The following MAP3K5 variants were observed in gnomAD, a reference collection of about 807,000 sequenced individuals.
MAP3K5 encodes mitogen-activated protein kinase kinase kinase 5, also known as ASK-1.
Under a neutral mutation model 158.7 loss-of-function variants are expected in MAP3K5, and 56 were observed. The ratio of observed to expected loss-of-function variants is 0.35; its 90% confidence interval spans 0.28 to 0.44. The LOEUF (loss-of-function observed/expected upper bound fraction) is 0.44. Among genes scored for constraint, MAP3K5 ranks in the 20% least tolerant of loss-of-function variants. The pLI, the probability that MAP3K5 is intolerant of heterozygous loss-of-function variation, is 1.00. For missense variants in MAP3K5, 1,294 were observed against 1,674.8 expected, an observed-to-expected ratio of 0.77 and a Z score of 3.97; for synonymous variants, 579 against 601.7, an observed-to-expected ratio of 0.96 and a Z score of 0.55.
At chr6:136,660,628 TA>T (rs1017262846) in intron 8 of MAP3K5, among the ~76,000 whole-genome samples, 1 of 152,200 alleles carries the variant, frequency 6.6e-6, no homozygotes, top group African/African-American at 2.4e-5. Context: ...TTTGTTTGCT[TA>T]AAAAAATATA....
At chr6:136,615,250 G>T (rs948478702) in intron 15 of MAP3K5, among the ~76,000 whole-genome samples, 1 of 152,174 alleles carries the variant, frequency 6.6e-6, no homozygotes, top group Non-Finnish European at 1.5e-5. Flanking sequence ...GAGGTCCGCT[G>T]GGCATGGCAA....
intron 18 of MAP3K5, among the ~76,000 whole-genome samples, chr6:136,606,578 T>C (rs1776111238): frequency 6.6e-6 from 1 of 152,170 alleles, no homozygotes; most frequent in Non-Finnish European, 1.5e-5. Context: ...CATAAAGTGG[T>C]TTCCTAAAGT....
chr6:136,786,221 C>CA (rs1562706365), intron 1 of MAP3K5, among the ~76,000 whole-genome samples: 1 of 151,610 alleles, frequency 6.6e-6, no homozygotes, highest in Admixed American at 6.6e-5. Flanking sequence ...ACTAATAATA[C>CA]AAAAAAATTA....
In MAP3K5 at chr6:136,580,044, C is replaced by A. The variant is rs1009890843; in HGVS notation, c.3517+257G>T. 2.6e-5 allele frequency among the ~76,000 whole-genome samples: 4 copies of A among 152,162 alleles called. No individual in the cohort carries two copies. The East Asian group carries it at 7.7e-4, about 29-fold the overall frequency. On this transcript the variant is annotated intron_variant, in intron 25 of 29. Coordinates refer to ENST00000359015, the MANE Select transcript of MAP3K5 (RefSeq NM_005923.4). Reference sequence around the variant, plus strand: ...TTGAAATGCGTATTTATCTGAGTCACCTGTATACTTTTTCTCTTCACATCT... The same window carrying A: ...TTGAAATGCGTATTTATCTGAGTCAACTGTATACTTTTTCTCTTCACATCT...
intron 19 of MAP3K5, among the ~76,000 whole-genome samples, chr6:136,603,067 A>G: frequency 6.6e-6 from 1 of 152,174 alleles, no homozygotes; most frequent in East Asian, 1.9e-4. Context: ...TAAACAATAT[A>G]TAATTATTTG....
rs202097874 is a variant in MAP3K5 at position 136,562,562 on chromosome 6, C to T, written c.3815G>A (p.Arg1272Gln). 14 of 1,604,116 alleles carry T rather than the reference C, an allele frequency of 8.7e-6. No homozygotes were observed. In the East Asian group the frequency reaches 1.1e-4, roughly 13 times the overall value. The change falls in exon 27 of 30, where the codon CGA becomes CAA. Residue 1272 changes from arginine (R) to glutamine (Q), a missense_variant. Arg to Gln is a conservative substitution (Grantham distance 43, BLOSUM62 1). Coordinates refer to ENST00000359015, the MANE Select transcript of MAP3K5 (RefSeq NM_005923.4). ...KEKELQALLH[R>Q]AIEEKDQEIK... ...TTCTTGGTCTTTTTCTTCAATAGCTCGATGAAGGAGTGCTTGTAATTCTTT... is the reference window on the plus strand; with the variant it reads ...TTCTTGGTCTTTTTCTTCAATAGCTTGATGAAGGAGTGCTTGTAATTCTTT...
chr6:136,588,818 T>C (rs1393000320), intron 23 of MAP3K5, among the ~76,000 whole-genome samples: 1 of 152,198 alleles, frequency 6.6e-6, no homozygotes, highest in Non-Finnish European at 1.5e-5. Context: ...CCACGAAGCA[T>C]GCATGACACT....
intron 1 of MAP3K5, among the ~76,000 whole-genome samples, chr6:136,745,155 T>G (rs955131331): frequency 2.0e-5 from 3 of 151,340 alleles, no homozygotes; most frequent in Non-Finnish European, 4.4e-5. Flanking sequence ...TTTTTTTTTT[T>G]TTTTTTTTTT....
intron 1 of MAP3K5, among the ~76,000 whole-genome samples, chr6:136,731,247 G>A (rs1037754686): frequency 4.7e-4 from 72 of 152,120 alleles, no homozygotes; most frequent in African/African-American, 1.6e-3. Flanking sequence ...ATTTCTAACC[G>A]ATCATTTTGC....
rs148138849 is a variant in MAP3K5 at position 136,603,973 on chromosome 6, G to A, written c.2679+1236C>T. Among the ~76,000 whole-genome samples the A allele has an allele frequency of 6.6e-4, 100 of 152,276 alleles. 1 individual carries two copies. The Middle Eastern group carries it at 0.014, about 21-fold the overall frequency. On this transcript the variant is annotated intron_variant, in intron 19 of 29. Transcript: ENST00000359015. The stretch of plus-strand genomic sequence containing the variant: ...CCCTCACAAGAGGCTATGCACAGAT[G>A]GAATAAGAGCTAGAAACATGGTCTG...
intron 1 of MAP3K5, among the ~76,000 whole-genome samples, chr6:136,745,585 C>T (rs1212527756): frequency 6.6e-6 from 1 of 152,064 alleles, no homozygotes; most frequent in African/African-American, 2.4e-5. Flanking sequence ...TACCATCCTG[C>T]CCATGAACAT....
intron 10 of MAP3K5, among the ~76,000 whole-genome samples, chr6:136,651,485 G>A (rs1778517815): frequency 6.6e-6 from 1 of 152,080 alleles, no homozygotes; most frequent in Non-Finnish European, 1.5e-5. Context: ...TCCATACATA[G>A]AATGTCACAT....
At chr6:136,748,044 A>C (rs1306144932) in intron 1 of MAP3K5, among the ~76,000 whole-genome samples, 2 of 152,224 alleles carry the variant, frequency 1.3e-5, no homozygotes, top group Admixed American at 6.5e-5. Context: ...TCTAAAAAAA[A>C]ACAAAATTTC....
chr6:136,623,937 T>C (rs891635427), intron 14 of MAP3K5, among the ~76,000 whole-genome samples: 3 of 152,224 alleles, frequency 2.0e-5, no homozygotes, highest in Non-Finnish European at 4.4e-5. Flanking sequence ...TCATGCCTGT[T>C]AATTCTAGCA....
intron 7 of MAP3K5, among the ~76,000 whole-genome samples, chr6:136,676,223 C>T (rs181833705): frequency 1.3e-5 from 2 of 152,188 alleles, no homozygotes; most frequent in Non-Finnish European, 2.9e-5. Context: ...ATACCTGACA[C>T]GCTGCAGGTG....
chr6:136,592,759 T>C, intron 21 of MAP3K5, 145 bp from the exon 22 acceptor site: 1 of 782,114 alleles, frequency 1.3e-6, no homozygotes, highest in Non-Finnish European at 2.2e-6. Context: ...GGAACGGTCA[T>C]GTGTTATGAC....
intron 28 of MAP3K5, among the ~76,000 whole-genome samples, chr6:136,560,093 TAA>T (rs1830439418): frequency 6.6e-6 from 1 of 152,350 alleles, no homozygotes; most frequent in East Asian, 1.9e-4. Context: ...AATATTGTAT[TAA>T]GAGGGTCTTT....
intron 1 of MAP3K5, among the ~76,000 whole-genome samples, chr6:136,762,843 C>G (rs1159831228): frequency 2.0e-5 from 3 of 152,164 alleles, no homozygotes; most frequent in East Asian, 1.9e-4. Context: ...CCATTGCTAC[C>G]CTTGTACTCT....
At chr6:136,695,306 T>A (rs566988024) in intron 6 of MAP3K5, among the ~76,000 whole-genome samples, 2 of 151,722 alleles carry the variant, frequency 1.3e-5, no homozygotes, top group African/African-American at 4.8e-5. Context: ...CCTGGCTAAT[T>A]TTTTTGTATT....
Sources: allele counts gnomAD v4.1 joint callset (sites outside exome capture counted in the v4.1 genomes callset), GRCh38; gene constraint gnomAD v4.1.1; transcripts MANE v1.5; gene names NCBI Gene and HGNC (gene_info 2026-07-23, HGNC 2026-07-21).